ZFP37: variants seen among roughly 807,000 people sequenced by gnomAD.
ZFP37 encodes zinc finger protein 37 homolog.
A neutral mutation model predicts 52.1 loss-of-function variants in ZFP37; 38 were observed. The ratio of observed to expected loss-of-function variants is 0.73; its 90% CI spans 0.56 to 0.96. The LOEUF is 0.96. Among genes scored for constraint, ZFP37 ranks in the 40% least tolerant of loss-of-function variants. The probability of loss-of-function intolerance (pLI) is 0.00; values close to 1 mark genes in which losing one functional copy is unlikely to be tolerated. For synonymous variants in ZFP37, 253 were observed against 259.5 expected (o/e 0.98, Z 0.24); for missense variants, 695 against 741.4 (o/e 0.94, Z 0.73).
At chr9:113,046,172 A>G (rs1181226867) in intron 3 of ZFP37, among the ~76,000 whole-genome samples, 1 of 149,684 alleles carries the variant, frequency 6.7e-6, no homozygotes, top group African/African-American at 2.4e-5. Flanking sequence ...ATATCTATAT[A>G]TAGACAGATA....
chr9:113,050,827 G>T (rs1174649291), intron 1 of ZFP37, among the ~76,000 whole-genome samples: 3 of 151,888 alleles, frequency 2.0e-5, no homozygotes, highest in African/African-American at 7.3e-5. Flanking sequence ...AACCCAGGAG[G>T]TGGAGGTTAC....
chr9:113,042,559 C>A lies in ZFP37; in HGVS notation c.*166G>T. On this transcript the variant is annotated 3_prime_UTR_variant, in exon 4 of 4. Coordinates refer to ENST00000374227, the MANE Select transcript of ZFP37 (RefSeq NM_003408.3). ...TAAAAGGTTTTGTATCAAGTTTAAA[C>A]CCTTGTTTCCATCCACTGATTCTAT... The A allele has an allele frequency of 1.9e-6, 1 of 530,694 alleles. No homozygotes were observed. Among genetic ancestry groups the A allele is most frequent in the Non-Finnish European group, 3.2e-6 (1 of 313,942 alleles). 32.9% of individuals were successfully genotyped at this position (530,694 alleles called of 1,614,324 possible).
At chr9:113,045,028 T>C (rs1194719140) in intron 3 of ZFP37, among the ~76,000 whole-genome samples, 3 of 152,164 alleles carry the variant, frequency 2.0e-5, no homozygotes, top group Non-Finnish European at 2.9e-5. Context: ...CCTTAGCTTG[T>C]AAGGGATGTA....
In ZFP37 at chr9:113,040,815, TATA is replaced by T. The variant is rs1324170780; in HGVS notation, c.*1907_*1909del. The T allele has an allele frequency of 6.6e-6, 1 of 152,314 alleles. No individual in the cohort carries two copies. Among genetic ancestry groups the T allele is most frequent in the African/African-American group, 2.4e-5 (1 of 41,576 alleles). The allele number at this position is 152,314 out of a possible 1,614,324, so 9.4% of individuals were successfully genotyped here. ...AAATATAAAAGATAACATGCCAAAT[TATA>T]ATATTTTATATTATGTAAATTAATA... On this transcript the variant is annotated 3_prime_UTR_variant, in exon 4 of 4. Transcript: ENST00000374227.
chr9:113,048,193 T>C (rs1375070147), intron 3 of ZFP37, among the ~76,000 whole-genome samples: 2 of 152,192 alleles, frequency 1.3e-5, no homozygotes, highest in African/African-American at 4.8e-5. Context: ...GAAATTTAGA[T>C]AGAGGCATGA....
chr9:113,040,880 A>T lies in ZFP37; in HGVS notation c.*1845T>A, dbSNP rs1242099467. The T allele has an allele frequency of 7.9e-5, 12 of 152,186 alleles. No individual in the cohort carries two copies. The allele number at this position is 152,186 out of a possible 1,614,324, so 9.4% of individuals were successfully genotyped here. On this transcript the variant is annotated 3_prime_UTR_variant, in exon 4 of 4. Coordinates refer to ENST00000374227, the MANE Select transcript of ZFP37 (RefSeq NM_003408.3). ...TAAAGGTATGATGTTTTTGAAAACC[A>T]TTTCTGTACTTATGTCTCTGCTTTT... is the stretch of plus-strand genomic sequence containing the variant.
rs891859451 is a variant in ZFP37, at chr9:113,043,797, G to A, written c.821C>T (p.Ser274Leu). The change falls in exon 4 of 4, where the codon TCA (serine) becomes TTA (leucine). Residue 274 changes from serine (S) to leucine (L), a missense_variant. Coordinates refer to ENST00000374227, the MANE Select transcript of ZFP37 (RefSeq NM_003408.3). ...KIQTGEKHEK[S>L]PSLSSSTKHE... Reference sequence around the variant, plus strand: ...CTTAGTAGATGAGCTAAGGCTGGGTGATTTCTCATGTTTCTCTCCAGTTTG... The same window carrying A: ...CTTAGTAGATGAGCTAAGGCTGGGTAATTTCTCATGTTTCTCTCCAGTTTG... 6.2e-7 allele frequency: 1 copy of A among 1,613,986 alleles called. No individual in the cohort carries two copies. Among genetic ancestry groups the A allele is most frequent in the East Asian group, 2.2e-5 (1 of 44,866 alleles).
At chr9:113,047,922 G>A (rs1336739404) in intron 3 of ZFP37, among the ~76,000 whole-genome samples, 4 of 152,206 alleles carry the variant, frequency 2.6e-5, no homozygotes, top group Non-Finnish European at 5.9e-5. Flanking sequence ...TGGAAGTCAC[G>A]AGTGTAGAAT....
In ZFP37 at chr9:113,044,012, A is replaced by G; in HGVS notation, c.606T>C (p.Ser202=). Residue 202 remains serine, a synonymous_variant, in exon 4 of 4, where the codon TCT becomes TCC. Transcript: ENST00000374227. ...DHSRNCVKRK[S]DAAKEHKKSF... is the part of the protein sequence containing the mutation. The stretch of plus-strand genomic sequence containing the variant: ...ACTTCTTGTGTTCTTTAGCTGCATC[A>G]GATTTCCTTTTTACACAGTTTCTTG... The G allele has an allele frequency of 6.2e-7, 1 of 1,614,002 alleles. No homozygotes were observed. The highest frequency in any genetic ancestry group is 8.5e-7 in the Non-Finnish European group (1 of 1,179,966).
intron 3 of ZFP37, among the ~76,000 whole-genome samples, chr9:113,047,853 A>C (rs1012068235): frequency 1.3e-5 from 2 of 152,244 alleles, no homozygotes; most frequent in African/African-American, 4.8e-5. Context: ...CCTAAGAATA[A>C]GCTGTTGTTT....
chr9:113,041,949 T>A lies in ZFP37; in HGVS notation c.*776A>T, dbSNP rs897860768. ...CTCCTCTGCCCAATGGCAACCACCATGAAGTTTATTCTGTATTTTTTCAAA... is the reference window on the plus strand; with the variant it reads ...CTCCTCTGCCCAATGGCAACCACCAAGAAGTTTATTCTGTATTTTTTCAAA... On this transcript the variant is annotated 3_prime_UTR_variant, in exon 4 of 4. Transcript: ENST00000374227. The A allele has an allele frequency of 6.6e-6, 1 of 152,182 alleles. No individual in the cohort carries two copies. Among genetic ancestry groups the A allele is most frequent in the Non-Finnish European group, 1.5e-5 (1 of 68,028 alleles). 9.4% of individuals were successfully genotyped at this position (152,182 alleles called of 1,614,324 possible).
In ZFP37 at chr9:113,052,620, A is replaced by G. The variant is rs962013087; in HGVS notation, c.133-2748T>C. Among the ~76,000 whole-genome samples the G allele has an allele frequency of 6.6e-6, 1 of 152,196 alleles. No individual in the cohort carries two copies. The highest frequency in any genetic ancestry group is 2.4e-5 in the African/African-American group (1 of 41,454). On this transcript the variant is annotated intron_variant, in intron 1 of 3. Coordinates refer to ENST00000374227, the MANE Select transcript of ZFP37 (RefSeq NM_003408.3). The surrounding 1 kb of genome is among the most constrained non-coding windows in gnomAD (Gnocchi z 4.1). ...CTGGAAATGAGTTATAATAACATGTATGAAATGTTGTCTACTAGGGAAGCT... is the reference window on the plus strand; with the variant it reads ...CTGGAAATGAGTTATAATAACATGTGTGAAATGTTGTCTACTAGGGAAGCT...
chr9:113,051,475 TAA>T (rs1242941333), intron 1 of ZFP37, among the ~76,000 whole-genome samples: 1 of 151,944 alleles, frequency 6.6e-6, no homozygotes, highest in Non-Finnish European at 1.5e-5. Context: ...GGGGAGCAGA[TAA>T]AGTCTCACTC....
At position 113,052,158 on chromosome 9, in the gene ZFP37, C is replaced by T. The variant is rs1001444884; in HGVS notation, c.133-2286G>A. Among the ~76,000 whole-genome samples the T allele has an allele frequency of 6.6e-6, 1 of 152,184 alleles. No individual in the cohort carries two copies. ...CTGCCAGCAAATTCCACTCCTCCCT[C>T]AACCTCTTTAGCCACTCCCTTCATT... On this transcript the variant is annotated intron_variant, in intron 1 of 3. Transcript: ENST00000374227. The surrounding 1 kb of genome is among the most constrained non-coding windows in gnomAD (Gnocchi z 4.1).
At chr9:113,046,209 T>G (rs1252673280) in intron 3 of ZFP37, among the ~76,000 whole-genome samples, 1 of 62,626 alleles carries the variant, frequency 1.6e-5, no homozygotes, top group Non-Finnish European at 3.1e-5. Flanking sequence ...GACAGATATA[T>G]ATCTATATAT....
chr9:113,044,318 T>G, intron 3 of ZFP37, 50 bp from the exon 4 acceptor site: 1 of 1,480,670 alleles, frequency 6.8e-7, no homozygotes, highest in East Asian at 2.3e-5. Context: ...TACTCTTATA[T>G]TTTGGAATAA....
At chr9:113,055,899 ATTAT>A (rs1281061162) in intron 1 of ZFP37, among the ~76,000 whole-genome samples, 1 of 152,108 alleles carries the variant, frequency 6.6e-6, no homozygotes, top group Non-Finnish European at 1.5e-5. Flanking sequence ...ACACCACCTA[ATTAT>A]TGACCTGCAT....
chr9:113,053,497 C>T (rs1333715460), intron 1 of ZFP37, among the ~76,000 whole-genome samples: 2 of 152,190 alleles, frequency 1.3e-5, no homozygotes, highest in Non-Finnish European at 2.9e-5. Context: ...TTATAACACA[C>T]ATGCCAAATG....
chr9:113,056,207 C>A (rs141087769), intron 1 of ZFP37, among the ~76,000 whole-genome samples: 2 of 152,126 alleles, frequency 1.3e-5, no homozygotes, highest in African/African-American at 4.8e-5. Context: ...ACCACAGGCA[C>A]CCATAATCGC....
Sources: allele counts gnomAD v4.1 joint callset (sites outside exome capture counted in the v4.1 genomes callset), GRCh38; gene constraint gnomAD v4.1.1; non-coding constraint Gnocchi (gnomAD v3.1); transcripts MANE v1.5; gene names NCBI Gene and HGNC (gene_info 2026-07-23, HGNC 2026-07-21).